ELMO1: variants seen among roughly 807,000 people sequenced by gnomAD.
ELMO1 encodes engulfment and cell motility protein 1.
ELMO1 carries 26 observed loss-of-function variants against 98.9 expected under a neutral mutation model. The ratio of observed to expected loss-of-function variants is 0.26; its 90% CI spans 0.19 to 0.36. The LOEUF (loss-of-function observed/expected upper bound fraction) is 0.36. Ranked by LOEUF, ELMO1 falls within the 10% of genes least tolerant of loss-of-function variation. The pLI, the probability that ELMO1 is intolerant of heterozygous loss-of-function variation, is 1.00. For missense variants in ELMO1, 627 were observed against 935.2 expected (o/e 0.67, Z 4.30); for synonymous variants, 346 against 346.0 (o/e 1.00, Z 0.00).
At chr7:37,061,136 G>C (rs1796647435) in intron 15 of ELMO1, among the ~76,000 whole-genome samples, 1 of 152,180 alleles carries the variant, frequency 6.6e-6, no homozygotes, top group African/African-American at 2.4e-5. Flanking sequence ...ACCAGAAACA[G>C]ATTAATGGGG....
chr7:37,362,972 A>T (rs1271707917), intron 1 of ELMO1, among the ~76,000 whole-genome samples: 1 of 152,244 alleles, frequency 6.6e-6, no homozygotes, highest in African/African-American at 2.4e-5. Flanking sequence ...CTGATATGGA[A>T]GGCAGACTAA....
intron 15 of ELMO1, among the ~76,000 whole-genome samples, chr7:37,073,314 A>G (rs1797379210): frequency 6.6e-6 from 1 of 152,228 alleles, no homozygotes; most frequent in Non-Finnish European, 1.5e-5. Context: ...AGGATTCTGA[A>G]CTTCAGAGGC....
intron 13 of ELMO1, among the ~76,000 whole-genome samples, chr7:37,133,890 C>T (rs1787089786): frequency 6.6e-6 from 1 of 152,140 alleles, no homozygotes; most frequent in Admixed American, 6.5e-5. Context: ...TAAATAATAG[C>T]TACAGATATG....
intron 13 of ELMO1, among the ~76,000 whole-genome samples, chr7:37,170,992 T>C (rs571845035): frequency 1.3e-5 from 2 of 152,290 alleles, no homozygotes; most frequent in African/African-American, 4.8e-5. Flanking sequence ...TTTAAAACTA[T>C]TTCACCAATA....
In ELMO1 at chr7:37,010,311, C is replaced by A. The variant is rs185345959; in HGVS notation, c.1437+2988G>T. The stretch of plus-strand genomic sequence containing the variant: ...CTGGAAATAGGCAGAATAACAGCTT[C>A]CCATTGGTGCCTGCATTCCAATCCT... On this transcript the variant is annotated intron_variant, in intron 16 of 21. Transcript: ENST00000310758. Among the ~76,000 whole-genome samples, 410 of 152,326 alleles carry A rather than the reference C, an allele frequency of 2.7e-3. 1 individual carries two copies. The highest frequency in any genetic ancestry group is 0.01 in the Middle Eastern group (3 of 294).
chr7:37,145,890 G>A (rs1267726683), intron 13 of ELMO1, among the ~76,000 whole-genome samples: 1 of 152,172 alleles, frequency 6.6e-6, no homozygotes, highest in Admixed American at 6.5e-5. Context: ...GTCATGTTCT[G>A]TAAGGGGAAA....
At chr7:37,415,984 T>C (rs1120188) in intron 1 of ELMO1, among the ~76,000 whole-genome samples, 23,907 of 152,244 alleles carry the variant, frequency 0.16, 2,202 homozygotes, top group South Asian at 0.26. Flanking sequence ...ACATATTCCA[T>C]AATGAAATCT....
At position 36,870,565 on chromosome 7, in the gene ELMO1, C is replaced by A; in HGVS notation, c.1823-90G>T. ...ACAGGACTAAGCACTGGGTCCGCTA[C>A]TGTGGTTACCATTCCCAGAAACTAC... On this transcript the variant is annotated intron_variant, in intron 19 of 21. Coordinates refer to ENST00000310758, the MANE Select transcript of ELMO1 (RefSeq NM_014800.11). This position sits in a 1 kb window ranked among gnomAD's most constrained non-coding sequence, Gnocchi z 4.4. 1 of 1,207,170 alleles carries A rather than the reference C, an allele frequency of 8.3e-7. No homozygotes were observed. 74.8% of individuals were successfully genotyped at this position (1,207,170 alleles called of 1,614,324 possible).
At chr7:37,349,220 A>G (rs1417228244) in intron 1 of ELMO1, among the ~76,000 whole-genome samples, 1 of 152,226 alleles carries the variant, frequency 6.6e-6, no homozygotes, top group Non-Finnish European at 1.5e-5. Flanking sequence ...CTAAGTCATT[A>G]TCTACTGATG....
intron 8 of ELMO1, among the ~76,000 whole-genome samples, chr7:37,231,945 C>T (rs558552900): frequency 6.6e-6 from 1 of 152,166 alleles, no homozygotes; most frequent in Non-Finnish European, 1.5e-5. Flanking sequence ...CTCTGCCTCC[C>T]AGGCTCAAGT....
intron 10 of ELMO1, among the ~76,000 whole-genome samples, chr7:37,221,291 G>A (rs905251035): frequency 6.6e-6 from 1 of 152,172 alleles, no homozygotes; most frequent in Non-Finnish European, 1.5e-5. Context: ...TTTAGTCACT[G>A]AGGTTTAAAA....
rs115437511 is a variant in ELMO1, at chr7:37,118,547, T to C, written c.1191+14583A>G. 4.3e-3 allele frequency among the ~76,000 whole-genome samples: 652 copies of C among 152,198 alleles called. 4 individuals carry two copies. The highest frequency in any genetic ancestry group is 0.015 in the African/African-American group (636 of 41,512). On this transcript the variant is annotated intron_variant, in intron 14 of 21. Transcript: ENST00000310758. ...GATGAAAAGATAAACACCGAGCAAA[T>C]ACATATGAAACTCTCAGAAGGCTGT...
At chr7:37,124,263 T>C (rs1216669363) in intron 14 of ELMO1, among the ~76,000 whole-genome samples, 2 of 152,182 alleles carry the variant, frequency 1.3e-5, no homozygotes, top group Admixed American at 1.3e-4. Flanking sequence ...CTATTCAACA[T>C]AGTGTTGGAA....
intron 1 of ELMO1, among the ~76,000 whole-genome samples, chr7:37,364,583 ATT>A (rs34314377): frequency 6.7e-6 from 1 of 148,872 alleles, no homozygotes; most frequent in African/African-American, 2.5e-5. Context: ...TGCTGGCTTA[ATT>A]TTTTTTTTTT....
intron 13 of ELMO1, among the ~76,000 whole-genome samples, chr7:37,182,219 A>C (rs1563061141): frequency 6.6e-6 from 1 of 152,146 alleles, no homozygotes. Flanking sequence ...AGTGAAAACT[A>C]GAGCTTCACA....
chr7:37,135,665 TAGG>T (rs957776031), intron 13 of ELMO1, among the ~76,000 whole-genome samples: 2 of 152,040 alleles, frequency 1.3e-5, no homozygotes, highest in Non-Finnish European at 2.9e-5. Flanking sequence ...GCCACATTCC[TAGG>T]AGAAGGGGGA....
At chr7:37,420,039 G>A (rs1183883087) in intron 1 of ELMO1, among the ~76,000 whole-genome samples, 1 of 152,166 alleles carries the variant, frequency 6.6e-6, no homozygotes, top group East Asian at 1.9e-4. Context: ...TGGAGAAGGA[G>A]GATGTTTTCA....
chr7:36,857,332 C>T (rs1802278330), intron 21 of ELMO1, among the ~76,000 whole-genome samples: 1 of 152,140 alleles, frequency 6.6e-6, no homozygotes, highest in South Asian at 2.1e-4. Context: ...CCTTGGAGAT[C>T]CTGATCATGT....
chr7:36,966,356 C>T (rs1050416857), intron 16 of ELMO1, among the ~76,000 whole-genome samples: 9 of 152,156 alleles, frequency 5.9e-5, no homozygotes, highest in Admixed American at 3.3e-4. Flanking sequence ...ATTTGGAATC[C>T]TTTGTGTAAC....
Sources: allele counts gnomAD v4.1 joint callset (sites outside exome capture counted in the v4.1 genomes callset), GRCh38; gene constraint gnomAD v4.1.1; non-coding constraint Gnocchi (gnomAD v3.1); transcripts MANE v1.5; gene names NCBI Gene and HGNC (gene_info 2026-07-23, HGNC 2026-07-21).